The following IMPG1 variants were observed in gnomAD, a reference collection of about 807,000 sequenced individuals.
IMPG1 encodes interphotoreceptor matrix proteoglycan of 150 kDa.
In IMPG1, 85 loss-of-function variants were observed where a neutral mutation model predicts 92.0. The observed-to-expected ratio is 0.92, with a 90% CI of 0.78 to 1.11. The LOEUF (loss-of-function observed/expected upper bound fraction) is 1.11, where lower values mean the gene tolerates loss of function less well. IMPG1 is among the 50% of genes least tolerant of loss of function. The pLI, the probability that IMPG1 is intolerant of heterozygous loss-of-function variation, is 0.00. For missense variants in IMPG1, 1,022 were observed against 956.0 expected, an observed-to-expected ratio of 1.07 and a Z score of -0.91; for synonymous variants, 367 against 334.1, an observed-to-expected ratio of 1.10 and a Z score of -1.08.
chr6:75,945,725 G>C (rs1455376840), intron 14 of IMPG1, among the ~76,000 whole-genome samples: 8 of 152,154 alleles, frequency 5.3e-5, no homozygotes, highest in Non-Finnish European at 8.8e-5. Flanking sequence ...TAGGGCTGGG[G>C]ATCCCCAAGA....
intron 7 of IMPG1, among the ~76,000 whole-genome samples, chr6:76,012,454 C>T (rs914055469): frequency 3.3e-5 from 5 of 152,216 alleles, no homozygotes; most frequent in African/African-American, 1.2e-4. Flanking sequence ...CAGCCTCCTG[C>T]TTCACTCAGT....
At chr6:75,934,434 G>A (rs548685567) in intron 14 of IMPG1, among the ~76,000 whole-genome samples, 1 of 152,298 alleles carries the variant, frequency 6.6e-6, no homozygotes, top group African/African-American at 2.4e-5. Flanking sequence ...AATGTCTTCT[G>A]TGTGCATTTC....
intron 6 of IMPG1, among the ~76,000 whole-genome samples, chr6:76,021,874 T>G (rs1277705575): frequency 6.8e-6 from 1 of 147,134 alleles, no homozygotes; most frequent in Non-Finnish European, 1.5e-5. Flanking sequence ...CCACAGCTTA[T>G]AATTAAATTG....
At chr6:76,006,003 A>T (rs1446039505) in intron 9 of IMPG1, among the ~76,000 whole-genome samples, 1 of 151,840 alleles carries the variant, frequency 6.6e-6, no homozygotes, top group East Asian at 1.9e-4. Context: ...CTAATTTTAA[A>T]TTTTTTTGTA....
rs573520445 is a variant in IMPG1 at position 76,039,037 on chromosome 6, C to T, written c.301+2856G>A. Among the ~76,000 whole-genome samples the T allele has an allele frequency of 2.0e-5, 3 of 152,360 alleles. No individual in the cohort carries two copies. In the South Asian group the frequency reaches 6.2e-4, roughly 32 times the overall value. On this transcript the variant is annotated intron_variant, in intron 2 of 16. Transcript: ENST00000369950. The stretch of plus-strand genomic sequence containing the variant: ...CTGAGTTCTACCCCCGTTCTGCTGC[C>T]AGCTGTTCCCCTGAACATGCCATTT...
At chr6:76,046,873 T>G (rs1174737760) in intron 1 of IMPG1, among the ~76,000 whole-genome samples, 1 of 152,156 alleles carries the variant, frequency 6.6e-6, no homozygotes, top group South Asian at 2.1e-4. Flanking sequence ...TTTAGTAAGA[T>G]CTCTAAAGCT....
chr6:76,062,673 C>G (rs1234371221), intron 1 of IMPG1, among the ~76,000 whole-genome samples: 1 of 152,188 alleles, frequency 6.6e-6, no homozygotes, highest in East Asian at 1.9e-4. Context: ...TTTTCTCTCC[C>G]CAAACACTTT....
At chr6:76,009,283 T>A (rs1407190943) in intron 8 of IMPG1, among the ~76,000 whole-genome samples, 4 of 152,202 alleles carry the variant, frequency 2.6e-5, no homozygotes, top group African/African-American at 9.7e-5. Context: ...TCATTGTTCA[T>A]CTTCATAATT....
intron 4 of IMPG1, among the ~76,000 whole-genome samples, chr6:76,026,126 T>C (rs1295008382): frequency 6.6e-6 from 1 of 152,148 alleles, no homozygotes; most frequent in African/African-American, 2.4e-5. Context: ...CGGGAAGCAC[T>C]CTAGCAGGGA....
intron 4 of IMPG1, among the ~76,000 whole-genome samples, chr6:76,028,838 G>A (rs774518731): frequency 5.9e-5 from 9 of 152,084 alleles, no homozygotes; most frequent in African/African-American, 7.2e-5. Context: ...AAAAAGTTAA[G>A]TAAGGTATAC....
At chr6:76,071,843 T>C (rs942424369) in intron 1 of IMPG1, among the ~76,000 whole-genome samples, 13 of 152,128 alleles carry the variant, frequency 8.5e-5, no homozygotes, top group Admixed American at 2.6e-4. Flanking sequence ...TTTAATTTCA[T>C]ATTCAGATGC....
intron 4 of IMPG1, among the ~76,000 whole-genome samples, chr6:76,028,715 A>C (rs1783598425): frequency 6.6e-6 from 1 of 152,268 alleles, no homozygotes; most frequent in African/African-American, 2.4e-5. Flanking sequence ...CTGTAGTCCC[A>C]GCTACTCAGG....
chr6:75,981,652 T>C (rs1406893122), intron 12 of IMPG1, among the ~76,000 whole-genome samples: 1 of 152,240 alleles, frequency 6.6e-6, no homozygotes, highest in East Asian at 1.9e-4. Flanking sequence ...AAGACATTTG[T>C]ATTTCAGCCA....
intron 13 of IMPG1, among the ~76,000 whole-genome samples, chr6:75,949,967 ATTTCT>A (rs1562344889): frequency 6.6e-6 from 1 of 152,116 alleles, no homozygotes; most frequent in Non-Finnish European, 1.5e-5. Context: ...TTGTATATGT[ATTTCT>A]TATTGTATAT....
At chr6:76,048,307 G>A (rs1783979600) in intron 1 of IMPG1, among the ~76,000 whole-genome samples, 2 of 152,122 alleles carry the variant, frequency 1.3e-5, no homozygotes, top group African/African-American at 4.8e-5. Flanking sequence ...TACTGTCCTG[G>A]GGAGCTACAC....
intron 14 of IMPG1, among the ~76,000 whole-genome samples, chr6:75,943,109 G>A (rs1036195435): frequency 3.3e-5 from 5 of 152,126 alleles, no homozygotes; most frequent in African/African-American, 9.7e-5. Flanking sequence ...GAAAAAGGAG[G>A]TGTGAGTGAG....
intron 7 of IMPG1, among the ~76,000 whole-genome samples, chr6:76,013,392 A>G (rs533623118): frequency 6.6e-6 from 1 of 152,010 alleles, no homozygotes; most frequent in African/African-American, 2.4e-5. Context: ...TATGTCTTCA[A>G]GTTCCTATGA....
intron 12 of IMPG1, among the ~76,000 whole-genome samples, chr6:75,988,662 G>T (rs185571893): frequency 3.6e-4 from 55 of 152,280 alleles, no homozygotes. Flanking sequence ...GTCTGGCTTT[G>T]TCCAACTTAA....
chr6:75,976,993 T>A (rs775637306), intron 12 of IMPG1, among the ~76,000 whole-genome samples: 26 of 152,080 alleles, frequency 1.7e-4, no homozygotes, highest in Non-Finnish European at 3.5e-4. Flanking sequence ...TGAATGGGTG[T>A]GTTTGAAAAA....
Sources: gnomAD v4.1 joint callset for allele counts (sites outside exome capture counted in the v4.1 genomes callset) on GRCh38, gnomAD v4.1.1 for gene constraint, MANE v1.5 for transcripts, NCBI Gene and HGNC (gene_info 2026-07-23, HGNC 2026-07-21) for gene names.